Variants in LRRTM4 observed in about 807,000 individuals in gnomAD.
LRRTM4 encodes leucine rich repeat transmembrane neuronal 4.
A neutral mutation model predicts 47.6 loss-of-function variants in LRRTM4; 25 were observed. The observed-to-expected ratio is 0.53, with a 90% confidence interval of 0.38 to 0.73. LRRTM4 has a LOEUF of 0.73. Ranked by LOEUF, LRRTM4 falls within the 30% of genes least tolerant of loss-of-function variation. The probability of loss-of-function intolerance (pLI) is 0.00; values close to 1 mark genes in which losing one functional copy is unlikely to be tolerated. For missense variants in LRRTM4, 638 were observed against 713.4 expected (o/e 0.89, Z 1.20); for synonymous variants, 311 against 269.5 (o/e 1.15, Z -1.51).
chr2:77,470,232 C>T (rs1237666322), intron 3 of LRRTM4, among the ~76,000 whole-genome samples: 1 of 152,076 alleles, frequency 6.6e-6, no homozygotes, highest in Non-Finnish European at 1.5e-5. Context: ...ATATTTCATT[C>T]CAAATAGTCC....
chr2:77,043,126 T>C (rs1029227478), intron 3 of LRRTM4, among the ~76,000 whole-genome samples: 1 of 151,814 alleles, frequency 6.6e-6, no homozygotes, highest in African/African-American at 2.4e-5. Context: ...TTTCTCTTTC[T>C]TTCCTGTTTT....
intron 3 of LRRTM4, among the ~76,000 whole-genome samples, chr2:76,991,245 C>A (rs1676998133): frequency 2.1e-5 from 3 of 142,816 alleles, no homozygotes; most frequent in East Asian, 1.9e-4. Flanking sequence ...ACTAGAAAAG[C>A]AAGAATAAAT....
At chr2:76,904,439 G>A (rs1333944464) in intron 3 of LRRTM4, among the ~76,000 whole-genome samples, 1 of 152,120 alleles carries the variant, frequency 6.6e-6, no homozygotes, top group African/African-American at 2.4e-5. Context: ...CTGACTTTAC[G>A]CTTTACAATT....
intron 3 of LRRTM4, among the ~76,000 whole-genome samples, chr2:77,181,079 T>C (rs914626174): frequency 4.8e-4 from 73 of 152,202 alleles, no homozygotes; most frequent in African/African-American, 1.7e-3. Context: ...CAAAGAAATA[T>C]AATAATGAGT....
chr2:77,332,545 C>G (rs1417574560), intron 3 of LRRTM4, among the ~76,000 whole-genome samples: 5 of 152,142 alleles, frequency 3.3e-5, no homozygotes, highest in African/African-American at 1.2e-4. Context: ...CCAATTCCAT[C>G]TGGCTTCTGT....
intron 3 of LRRTM4, among the ~76,000 whole-genome samples, chr2:77,117,991 A>G (rs1015729802): frequency 6.6e-6 from 1 of 152,012 alleles, no homozygotes; most frequent in Admixed American, 6.6e-5. Context: ...CTATCAAAAT[A>G]TATAGCTTAT....
At chr2:77,038,343 C>T (rs940415523) in intron 3 of LRRTM4, among the ~76,000 whole-genome samples, 7 of 150,456 alleles carry the variant, frequency 4.7e-5, no homozygotes, top group Non-Finnish European at 8.9e-5. Context: ...TTAGAATTCA[C>T]TTGACCTTAG....
intron 3 of LRRTM4, among the ~76,000 whole-genome samples, chr2:77,248,535 A>C (rs1675513346): frequency 6.6e-6 from 1 of 152,086 alleles, no homozygotes. Context: ...TGTAGATATA[A>C]ACAAACTAAC....
At chr2:77,257,187 G>A (rs975873305) in intron 3 of LRRTM4, among the ~76,000 whole-genome samples, 24 of 151,866 alleles carry the variant, frequency 1.6e-4, no homozygotes, top group Admixed American at 1.3e-4. Flanking sequence ...TACCGCTAAC[G>A]TCATAGTTAA....
chr2:77,110,864 G>C (rs1321427939), intron 3 of LRRTM4, among the ~76,000 whole-genome samples: 1 of 152,162 alleles, frequency 6.6e-6, no homozygotes, highest in East Asian at 1.9e-4. Context: ...ATCTCTGGCA[G>C]TGAATTGTGA....
intron 3 of LRRTM4, among the ~76,000 whole-genome samples, chr2:77,052,761 T>C (rs926856849): frequency 2.4e-4 from 37 of 152,076 alleles, no homozygotes; most frequent in African/African-American, 8.5e-4. Context: ...AAAGTTTCTA[T>C]TGATTTTCAT....
At chr2:77,232,123 T>C (rs559131046) in intron 3 of LRRTM4, among the ~76,000 whole-genome samples, 5 of 152,230 alleles carry the variant, frequency 3.3e-5, no homozygotes, top group African/African-American at 1.2e-4. Context: ...AGGGCACACA[T>C]TGGGTGGTAA....
chr2:76,917,930 T>C (rs375462111), intron 3 of LRRTM4, among the ~76,000 whole-genome samples: 1 of 152,278 alleles, frequency 6.6e-6, no homozygotes, highest in South Asian at 2.1e-4. Flanking sequence ...ATGGGTATGC[T>C]AGGAAGAGAA....
At chr2:76,789,828 C>T (rs1258437948) in intron 3 of LRRTM4, among the ~76,000 whole-genome samples, 2 of 152,086 alleles carry the variant, frequency 1.3e-5, no homozygotes, top group Admixed American at 6.5e-5. Flanking sequence ...TTCCATATTT[C>T]CTGGGTGGGA....
intron 3 of LRRTM4, among the ~76,000 whole-genome samples, chr2:76,955,639 G>A (rs535134764): frequency 6.6e-6 from 1 of 151,830 alleles, no homozygotes; most frequent in South Asian, 2.1e-4. Flanking sequence ...TAGAGGTGGG[G>A]CCTTTGGAGT....
chr2:76,852,404 G>T (rs76308815), intron 3 of LRRTM4, among the ~76,000 whole-genome samples: 1 of 152,134 alleles, frequency 6.6e-6, no homozygotes, highest in East Asian at 1.9e-4. Context: ...GCAAATTGTA[G>T]GCTTATGTGA....
In LRRTM4 at chr2:77,298,913, A is replaced by T. The variant is rs147928922; in HGVS notation, c.1551+219405T>A. On this transcript the variant is annotated intron_variant, in intron 3 of 3. Transcript: ENST00000409884. ...CTACTAACTGTAATTCTAACCTCCT[A>T]GTGACAAATATTTACTATTGATCAA... Among the ~76,000 whole-genome samples the T allele has an allele frequency of 3.9e-5, 6 of 152,258 alleles. No individual in the cohort carries two copies. In the East Asian group the frequency reaches 7.7e-4, roughly 20 times the overall value.
At chr2:76,785,849 G>A (rs888978586) in intron 3 of LRRTM4, among the ~76,000 whole-genome samples, 13 of 152,090 alleles carry the variant, frequency 8.5e-5, no homozygotes, top group African/African-American at 3.1e-4. Context: ...TAAAAGACAA[G>A]GATCAGCCAG....
chr2:77,117,888 T>C (rs903198192), intron 3 of LRRTM4, among the ~76,000 whole-genome samples: 19 of 151,954 alleles, frequency 1.3e-4, no homozygotes, highest in Non-Finnish European at 4.4e-5. Flanking sequence ...TTTGTCCTCC[T>C]GCTGTTTGAG....
Sources: gnomAD v4.1 joint callset for allele counts (sites outside exome capture counted in the v4.1 genomes callset) on GRCh38, gnomAD v4.1.1 for gene constraint, MANE v1.5 for transcripts, NCBI Gene and HGNC (gene_info 2026-07-23, HGNC 2026-07-21) for gene names.